The following ATP5PF variants were observed in gnomAD, a reference collection of about 807,000 sequenced individuals.
The protein encoded by ATP5PF is ATP synthase peripheral stalk subunit F6, mitochondrial.
Under a neutral mutation model 12.0 loss-of-function variants are expected in ATP5PF, and 7 were observed. The ratio of observed to expected loss-of-function variants is 0.58; its 90% CI spans 0.33 to 1.10. ATP5PF has a LOEUF of 1.10. Among genes scored for constraint, ATP5PF ranks in the 50% least tolerant of loss-of-function variants. The pLI, the probability that ATP5PF is intolerant of heterozygous loss-of-function variation, is 0.03. For synonymous variants in ATP5PF, 41 were observed against 45.4 expected (o/e 0.90, Z 0.39); for missense variants, 120 against 127.7 (o/e 0.94, Z 0.29).
intron 1 of ATP5PF, among the ~76,000 whole-genome samples, chr21:25,734,122 A>T (rs3761327): frequency 0.033 from 5,042 of 152,186 alleles, 255 homozygotes; most frequent in African/African-American, 0.11. Flanking sequence ...CATATTGTCC[A>T]CTAAAACGCA....
At chr21:25,735,035 G>A, upstream of ATP5PF, 2 of 1,468,424 alleles carry the variant, frequency 1.4e-6, no homozygotes, top group Middle Eastern at 3.4e-4. Context: ...ACGGGTCTAG[G>A]TGAGACAGAA....
At position 25,734,488 on chromosome 21, in the gene ATP5PF, G is replaced by A. The variant is rs767348945; in HGVS notation, c.-8+365C>T. The A allele has an allele frequency of 3.1e-4, 218 of 697,798 alleles. 2 individuals are homozygous for A. The highest frequency in any genetic ancestry group is 9.9e-4 in the Admixed American group (19 of 19,134). The allele number at this position is 697,798 out of a possible 1,614,324, so 43.2% of individuals were successfully genotyped here. On this transcript the variant is annotated intron_variant, in intron 1 of 3. Transcript: ENST00000284971. The stretch of plus-strand genomic sequence containing the variant: ...TTTCCCTCTTAATGGTACACGTTCT[G>A]CCTAAGTAGCCTAGACGCTCCCGTG...
At chr21:25,727,762 A>G (rs139332131) in intron 2 of ATP5PF, among the ~76,000 whole-genome samples, 3 of 152,348 alleles carry the variant, frequency 2.0e-5, no homozygotes, top group African/African-American at 4.8e-5. Flanking sequence ...TGGACAGAAG[A>G]CACTCAAAAT....
At chr21:25,727,019 C>T (rs1253071421) in intron 2 of ATP5PF, among the ~76,000 whole-genome samples, 1 of 152,056 alleles carries the variant, frequency 6.6e-6, no homozygotes, top group Non-Finnish European at 1.5e-5. Context: ...GAAACGCTCT[C>T]TGTCTGTGCT....
intron 1 of ATP5PF, among the ~76,000 whole-genome samples, chr21:25,733,302 G>C (rs929287957): frequency 6.6e-6 from 1 of 152,094 alleles, no homozygotes; most frequent in East Asian, 1.9e-4. Context: ...GGCCGAGGCG[G>C]GCAGATCACG....
In ATP5PF at chr21:25,724,611, A is replaced by C; in HGVS notation, c.*29T>G. The C allele has an allele frequency of 6.2e-7, 1 of 1,603,106 alleles. No homozygotes were observed. Among genetic ancestry groups the C allele is most frequent in the Non-Finnish European group, 8.5e-7 (1 of 1,175,612 alleles). ...CTAGTTGTACAACTAATCCGTGACA[A>C]ATTACCAGATTAATTTTACTTTATT... On this transcript the variant is annotated 3_prime_UTR_variant, in exon 4 of 4. Transcript: ENST00000284971.
At chr21:25,735,605 G>C (rs2035018367), upstream of ATP5PF, 1 of 152,640 alleles carries the variant, frequency 6.6e-6, no homozygotes, top group African/African-American at 2.4e-5. Flanking sequence ...GGGAGGAGGG[G>C]AGCGCGGGCC....
At chr21:25,734,938 C>A, upstream of ATP5PF, 1 of 1,575,268 alleles carries the variant, frequency 6.3e-7, no homozygotes, top group Non-Finnish European at 8.6e-7. Flanking sequence ...CACACGCCTA[C>A]CCGCCATCGC....
upstream of ATP5PF, chr21:25,735,209 C>A (rs1007924607): frequency 3.4e-5 from 20 of 592,786 alleles, no homozygotes; most frequent in Non-Finnish European, 3.0e-5. Context: ...TCAAGCTCCC[C>A]TCCGAGTCAG....
chr21:25,732,844 G>A (rs1377620096), intron 1 of ATP5PF, among the ~76,000 whole-genome samples: 1 of 151,630 alleles, frequency 6.6e-6, no homozygotes, highest in Non-Finnish European at 1.5e-5. Flanking sequence ...TTAGCCGGGA[G>A]TGGTGGCACA....
At chr21:25,730,997 C>A (rs2034759537) in intron 1 of ATP5PF, among the ~76,000 whole-genome samples, 1 of 152,058 alleles carries the variant, frequency 6.6e-6, no homozygotes, top group African/African-American at 2.4e-5. Context: ...GTAATCCCAG[C>A]ACTTCAGCCC....
upstream of ATP5PF, chr21:25,734,918 GC>G: frequency 6.4e-7 from 1 of 1,569,302 alleles, no homozygotes; most frequent in Non-Finnish European, 8.6e-7. Context: ...TCCGGCCCTG[GC>G]TCCGCCCCCA....
chr21:25,728,195 C>T (rs1436089889), intron 2 of ATP5PF, among the ~76,000 whole-genome samples: 1 of 152,126 alleles, frequency 6.6e-6, no homozygotes, highest in Non-Finnish European at 1.5e-5. Flanking sequence ...CATTTCAATC[C>T]TTCCAATACC....
In ATP5PF at chr21:25,724,598, C is replaced by A; in HGVS notation, c.*42G>T. ...CTGAAACTTCTAACTAGTTGTACAA[C>A]TAATCCGTGACAAATTACCAGATTA... On this transcript the variant is annotated 3_prime_UTR_variant, in exon 4 of 4. Transcript: ENST00000284971. The A allele has an allele frequency of 1.3e-6, 2 of 1,593,876 alleles. No individual in the cohort carries two copies. The highest frequency in any genetic ancestry group is 1.7e-5 in the Admixed American group (1 of 57,216).
chr21:25,727,297 C>T (rs2034642953), intron 2 of ATP5PF, among the ~76,000 whole-genome samples: 2 of 152,146 alleles, frequency 1.3e-5, no homozygotes, highest in East Asian at 3.8e-4. Context: ...AATCATCTAC[C>T]TCCTCAACTG....
At chr21:25,732,748 G>C (rs1337748214) in intron 1 of ATP5PF, among the ~76,000 whole-genome samples, 2 of 151,892 alleles carry the variant, frequency 1.3e-5, no homozygotes, top group Non-Finnish European at 2.9e-5. Context: ...ACTTTGGGAG[G>C]CCAAGGTGGG....
At chr21:25,734,009 A>G (rs1025850353) in intron 1 of ATP5PF, among the ~76,000 whole-genome samples, 5 of 152,220 alleles carry the variant, frequency 3.3e-5, no homozygotes, top group African/African-American at 1.2e-4. Context: ...CATCTCCCTT[A>G]TAAGTCCTAC....
chr21:25,725,405 A>G, intron 2 of ATP5PF, 55 bp from the exon 3 acceptor site: 1 of 1,489,224 alleles, frequency 6.7e-7, no homozygotes, highest in African/African-American at 1.4e-5. Context: ...TTACAAAAAC[A>G]AAATTACTTT....
At chr21:25,732,053 G>A (rs1397465220) in intron 1 of ATP5PF, among the ~76,000 whole-genome samples, 1 of 152,140 alleles carries the variant, frequency 6.6e-6, no homozygotes, top group East Asian at 1.9e-4. Flanking sequence ...ACCACTCAGA[G>A]TTTGAGCAGC....
Sources: gnomAD v4.1 joint callset for allele counts (sites outside exome capture counted in the v4.1 genomes callset) on GRCh38, gnomAD v4.1.1 for gene constraint, MANE v1.5 for transcripts, NCBI Gene and HGNC (gene_info 2026-07-23, HGNC 2026-07-21) for gene names.